FAM47E: variants seen among roughly 807,000 people sequenced by gnomAD.
FAM47E encodes family with sequence similarity 47 member E.
Under a neutral mutation model 41.6 loss-of-function variants are expected in FAM47E, and 32 were observed. That is an observed-to-expected ratio of 0.77 (90% CI 0.58 to 1.03). The LOEUF (loss-of-function observed/expected upper bound fraction) is 1.03. FAM47E is among the 50% of genes least tolerant of loss of function. The pLI is 0.00. For missense variants in FAM47E, 424 were observed against 485.4 expected, an observed-to-expected ratio of 0.87 and a Z score of 1.19; for synonymous variants, 184 against 188.7, an observed-to-expected ratio of 0.98 and a Z score of 0.20.
At chr4:76,234,813 C>G (rs1455258189) in intron 2 of FAM47E, among the ~76,000 whole-genome samples, 3 of 152,100 alleles carry the variant, frequency 2.0e-5, no homozygotes, top group Non-Finnish European at 4.4e-5. Context: ...CTCAAGACAC[C>G]CAGGTGGGAA....
intron 2 of FAM47E, among the ~76,000 whole-genome samples, chr4:76,228,097 T>TA (rs1229595852): frequency 1.3e-5 from 2 of 151,752 alleles, no homozygotes; most frequent in African/African-American, 4.8e-5. Context: ...TACCTTTTTT[T>TA]TTCATTGTGT....
chr4:76,239,448 A>G (rs1424284540), intron 2 of FAM47E, among the ~76,000 whole-genome samples: 1 of 152,064 alleles, frequency 6.6e-6, no homozygotes, highest in African/African-American at 2.4e-5. Flanking sequence ...GTGGTATCTC[A>G]TTGTTATTTT....
upstream of FAM47E, among the ~76,000 whole-genome samples, chr4:76,249,334 A>G (rs1426152077): frequency 6.6e-6 from 1 of 152,152 alleles, no homozygotes; most frequent in African/African-American, 2.4e-5. Flanking sequence ...TTGTTTATTT[A>G]TTATTTGTTT....
chr4:76,241,308 G>A (rs904716554), intron 2 of FAM47E, among the ~76,000 whole-genome samples: 1 of 152,158 alleles, frequency 6.6e-6, no homozygotes, highest in African/African-American at 2.4e-5. Flanking sequence ...AAGGCTCATC[G>A]TTTAAATCCC....
intron 2 of FAM47E, among the ~76,000 whole-genome samples, chr4:76,219,091 A>G (rs1187091420): frequency 6.6e-6 from 1 of 152,216 alleles, no homozygotes; most frequent in Non-Finnish European, 1.5e-5. Context: ...CCCCTTAGCC[A>G]CTGCTTGGGA....
intron 4 of FAM47E, among the ~76,000 whole-genome samples, chr4:76,270,529 C>T (rs1450103136): frequency 6.6e-6 from 1 of 152,108 alleles, no homozygotes; most frequent in East Asian, 1.9e-4. Context: ...CAGACGACGC[C>T]CACTATGCCT....
Position 76,278,062 on chromosome 4 carries a change from T to C in FAM47E, c.871-7T>C. The stretch of plus-strand genomic sequence containing the variant: ...AATGGCACTGGGAATTATGTTACTT[T>C]CCACAGAATCCTTATAAGCCAAAGT... On this transcript the variant is annotated splice_region_variant and splice_polypyrimidine_tract_variant and intron_variant, in intron 5 of 7. Coordinates refer to ENST00000424749, the MANE Select transcript of FAM47E (RefSeq NM_001136570.3). 6.7e-7 allele frequency: 1 copy of C among 1,481,942 alleles called. No individual in the cohort carries two copies. Among genetic ancestry groups the C allele is most frequent in the East Asian group, 2.6e-5 (1 of 39,116 alleles). The allele number at this position is 1,481,942 out of a possible 1,614,324, so 91.8% of individuals were successfully genotyped here.
Position 76,280,078 on chromosome 4 carries a change from A to G in FAM47E, c.1027-186A>G, listed in dbSNP as rs1735281647. The G allele has an allele frequency of 6.6e-6, 3 of 456,674 alleles. No individual in the cohort carries two copies. In the South Asian group the frequency reaches 1.1e-4, roughly 17 times the overall value. 28.3% of individuals were successfully genotyped at this position (456,674 alleles called of 1,614,324 possible). ...AGGAAAAGGCTAGGGGAAGGAGAGA[A>G]AGCTGGACATCTTTAAAAGCCTTCA... is the stretch of plus-strand genomic sequence containing the variant. On this transcript the variant is annotated intron_variant, in intron 6 of 7. Transcript: ENST00000424749.
chr4:76,252,375 C>G (rs1025346375), intron 1 of FAM47E, among the ~76,000 whole-genome samples: 9 of 152,134 alleles, frequency 5.9e-5, no homozygotes, highest in Non-Finnish European at 8.8e-5. Flanking sequence ...TTTACCGACT[C>G]CTTGACAATC....
At chr4:76,276,126 A>G (rs1290945456) in intron 5 of FAM47E, among the ~76,000 whole-genome samples, 1 of 152,160 alleles carries the variant, frequency 6.6e-6, no homozygotes, top group Non-Finnish European at 1.5e-5. Flanking sequence ...GCCAAAGTTA[A>G]GAGACCTGAC....
chr4:76,232,578 A>G (rs796647370), intron 2 of FAM47E, among the ~76,000 whole-genome samples: 3 of 152,366 alleles, frequency 2.0e-5, no homozygotes, highest in African/African-American at 7.2e-5. Context: ...TAACTTAGAC[A>G]TTAGAATTTT....
chr4:76,217,664 A>G, exon 2 of FAM47E: 1 of 648,774 alleles, frequency 1.5e-6, no homozygotes, highest in Non-Finnish European at 2.8e-6. Context: ...AGCCAAATAA[A>G]CCTCTTTTCA....
intron 1 of FAM47E, among the ~76,000 whole-genome samples, chr4:76,216,786 G>T (rs750970305): frequency 1.4e-4 from 22 of 152,176 alleles, no homozygotes; most frequent in Non-Finnish European, 2.9e-4. Context: ...TAACACAGCT[G>T]ACCAGGCTAG....
At position 76,283,465 on chromosome 4, in the gene FAM47E, C is replaced by T. The variant is rs536189717; in HGVS notation, c.*7C>T. The T allele has an allele frequency of 2.8e-5, 42 of 1,504,308 alleles. No individual in the cohort carries two copies. The highest frequency in any genetic ancestry group is 8.3e-5 in the African/African-American group (6 of 71,948). The allele number at this position is 1,504,308 out of a possible 1,614,324, so 93.2% of individuals were successfully genotyped here. On this transcript the variant is annotated 3_prime_UTR_variant, in exon 8 of 8. Coordinates refer to ENST00000424749, the MANE Select transcript of FAM47E (RefSeq NM_001136570.3). ...AAAACGAACTCAAGCATAGAAGAAT[C>T]GTAGGAGAATGATTAGGCAGATTTT... is the stretch of plus-strand genomic sequence containing the variant.
chr4:76,233,264 AGTTCCATGT>A (rs1214273128), intron 2 of FAM47E, among the ~76,000 whole-genome samples: 2 of 147,696 alleles, frequency 1.4e-5, no homozygotes, highest in African/African-American at 2.5e-5. Flanking sequence ...GGGTGTGGTT[AGTTCCATGT>A]GTCCCCAGGC....
intron 2 of FAM47E, among the ~76,000 whole-genome samples, 158 bp from the exon 3 acceptor site, chr4:76,263,546 C>A (rs1734505798): frequency 6.6e-6 from 1 of 152,146 alleles, no homozygotes; most frequent in South Asian, 2.1e-4. Context: ...CAAATCTATC[C>A]ATAGCACCCA....
In FAM47E at chr4:76,278,225, G is replaced by A. The variant is rs1291294630; in HGVS notation, c.1026+1G>A. On this transcript the variant is annotated splice_donor_variant, in intron 6 of 7. Coordinates refer to ENST00000424749, the MANE Select transcript of FAM47E (RefSeq NM_001136570.3). LOFTEE classifies it high-confidence loss of function. ...TTTTAAAAAGGAGCTGCAGGAACAG[G>A]TATGTATTTATACTGAGATTTGATC... The A allele has an allele frequency of 3.9e-6, 6 of 1,532,830 alleles. No individual in the cohort carries two copies. The highest frequency in any genetic ancestry group is 5.3e-6 in the Non-Finnish European group (6 of 1,141,284). 95.0% of individuals were successfully genotyped at this position (1,532,830 alleles called of 1,614,324 possible).
upstream of FAM47E, among the ~76,000 whole-genome samples, chr4:76,247,193 G>A (rs1210277997): frequency 6.6e-6 from 1 of 152,020 alleles, no homozygotes; most frequent in Non-Finnish European, 1.5e-5. Context: ...ATATAATGGA[G>A]TTATACACTA....
chr4:76,256,075 G>A, intron 1 of FAM47E, 103 bp from the exon 2 acceptor site: 1 of 1,339,828 alleles, frequency 7.5e-7, no homozygotes. Flanking sequence ...CTAAAAGCTG[G>A]AGACCAGCCT....
Sources: gnomAD v4.1 joint callset for allele counts (sites outside exome capture counted in the v4.1 genomes callset) on GRCh38, gnomAD v4.1.1 for gene constraint, MANE v1.5 for transcripts, NCBI Gene and HGNC (gene_info 2026-07-23, HGNC 2026-07-21) for gene names.